FBXO28: variants seen among roughly 807,000 people sequenced by gnomAD.
FBXO28 encodes F-box protein 28.
FBXO28 carries 8 observed loss-of-function variants against 38.1 expected under a neutral mutation model. That is an observed-to-expected ratio of 0.21 (90% CI 0.12 to 0.38). The LOEUF (loss-of-function observed/expected upper bound fraction) is 0.38, where lower values mean the gene tolerates loss of function less well. Ranked by LOEUF, FBXO28 falls within the 10% of genes least tolerant of loss-of-function variation. FBXO28 has a pLI of 1.00. For synonymous variants in FBXO28, 168 were observed against 173.8 expected, an observed-to-expected ratio of 0.97 and a Z score of 0.26; for missense variants, 345 against 460.6, an observed-to-expected ratio of 0.75 and a Z score of 2.30.
chr1:224,138,172 G>A (rs1657241040), intron 3 of FBXO28, among the ~76,000 whole-genome samples: 2 of 150,420 alleles, frequency 1.3e-5, no homozygotes, highest in African/African-American at 4.9e-5. Context: ...AGGTTGCAGT[G>A]AGCCGAGATC....
intron 1 of FBXO28, among the ~76,000 whole-genome samples, chr1:224,129,456 T>C (rs2102615962): frequency 6.6e-6 from 1 of 152,346 alleles, no homozygotes; most frequent in Non-Finnish European, 1.5e-5. Flanking sequence ...ATTCTGGTTA[T>C]AGATCATATA....
intron 3 of FBXO28, among the ~76,000 whole-genome samples, chr1:224,152,001 C>T (rs1657659080): frequency 6.6e-6 from 1 of 151,228 alleles, no homozygotes; most frequent in Admixed American, 6.6e-5. Context: ...AGGATTGTGC[C>T]ACTGCACTCC....
At chr1:224,121,314 GTTATAC>G (rs1395013889) in intron 1 of FBXO28, among the ~76,000 whole-genome samples, 4 of 152,224 alleles carry the variant, frequency 2.6e-5, no homozygotes, top group East Asian at 3.9e-4. Flanking sequence ...CTTCCTAATT[GTTATAC>G]TTAGACTGAA....
intron 3 of FBXO28, among the ~76,000 whole-genome samples, chr1:224,148,905 T>C (rs1657575274): frequency 6.6e-6 from 1 of 152,012 alleles, no homozygotes; most frequent in African/African-American, 2.4e-5. Context: ...CAACTGGATC[T>C]TAATCTCTAC....
rs148965411 is a variant in FBXO28 at position 224,148,493 on chromosome 1, A to G, written c.517-4649A>G. Among the ~76,000 whole-genome samples, 1,254 of 151,872 alleles carry G rather than the reference A, an allele frequency of 8.3e-3. 23 individuals are homozygous for G. Among genetic ancestry groups the G allele is most frequent in the African/African-American group, 0.028 (1,172 of 41,306 alleles). On this transcript the variant is annotated intron_variant, in intron 3 of 4. Coordinates refer to ENST00000366862, the MANE Select transcript of FBXO28 (RefSeq NM_015176.4). ...GTGAAACCCTGTCTCTACTAAAAAT[A>G]CAAAAAAAAGAGAAAAAAATTCGCC...
chr1:224,137,841 G>A (rs1210956192), intron 3 of FBXO28, among the ~76,000 whole-genome samples: 1 of 151,802 alleles, frequency 6.6e-6, no homozygotes, highest in African/African-American at 2.4e-5. Context: ...TTGCAGGCAA[G>A]CTAGATCATT....
intron 3 of FBXO28, among the ~76,000 whole-genome samples, chr1:224,136,181 G>C (rs1657181348): frequency 7.6e-6 from 1 of 131,250 alleles, no homozygotes; most frequent in Non-Finnish European, 1.5e-5. Context: ...TCAGCTAACA[G>C]CAACCTCTGC....
At chr1:224,152,821 TAGG>T (rs1370600523) in intron 3 of FBXO28, among the ~76,000 whole-genome samples, 5 of 148,826 alleles carry the variant, frequency 3.4e-5, no homozygotes, top group Admixed American at 1.4e-4. Flanking sequence ...CCCAGCTACT[TAGG>T]AGGCTGAGGC....
intron 1 of FBXO28, among the ~76,000 whole-genome samples, chr1:224,123,121 A>T (rs973332320): frequency 6.6e-6 from 1 of 152,066 alleles, no homozygotes; most frequent in Admixed American, 6.6e-5. Context: ...AGTTCCTTTC[A>T]GTTCTGGAGT....
chr1:224,156,396 G>T lies in FBXO28; in HGVS notation c.713-956G>T, dbSNP rs376805954. 5.9e-5 allele frequency among the ~76,000 whole-genome samples: 9 copies of T among 152,274 alleles called. No homozygotes were observed. In the East Asian group the frequency reaches 1.2e-3, roughly 20 times the overall value. ...GTTGAAGCCTTTGTATATAACTTAAGTGCAGAGTGAACTTAAGAACACGAT... is the reference window on the plus strand; with the variant it reads ...GTTGAAGCCTTTGTATATAACTTAATTGCAGAGTGAACTTAAGAACACGAT... On this transcript the variant is annotated intron_variant, in intron 4 of 4. Coordinates refer to ENST00000366862, the MANE Select transcript of FBXO28 (RefSeq NM_015176.4).
intron 1 of FBXO28, among the ~76,000 whole-genome samples, chr1:224,123,842 C>T (rs998937306): frequency 6.6e-6 from 1 of 152,060 alleles, no homozygotes; most frequent in African/African-American, 2.4e-5. Context: ...GGCATGATGG[C>T]CCATGCCTGT....
At chr1:224,116,951 G>C (rs1276173281) in intron 1 of FBXO28, among the ~76,000 whole-genome samples, 2 of 152,064 alleles carry the variant, frequency 1.3e-5, no homozygotes, top group Non-Finnish European at 1.5e-5. Context: ...GAGGTGGGCA[G>C]ATCACCTGAG....
rs968545562 is a variant in FBXO28, at chr1:224,137,262, C to T, written c.516+3050C>T. ...AGTTGGGACTGGGCACGGTGGCTCACGCCTGTAATCGCAGCACTTTGGGAG... is the reference window on the plus strand; with the variant it reads ...AGTTGGGACTGGGCACGGTGGCTCATGCCTGTAATCGCAGCACTTTGGGAG... On this transcript the variant is annotated intron_variant, in intron 3 of 4. Coordinates refer to ENST00000366862, the MANE Select transcript of FBXO28 (RefSeq NM_015176.4). 3.3e-5 allele frequency among the ~76,000 whole-genome samples: 5 copies of T among 151,564 alleles called. 1 individual carries two copies. The highest frequency in any genetic ancestry group is 9.8e-5 in the African/African-American group (4 of 40,968).
chr1:224,132,514 G>T (rs1435275226), intron 2 of FBXO28, among the ~76,000 whole-genome samples: 1 of 152,116 alleles, frequency 6.6e-6, no homozygotes, highest in Admixed American at 6.6e-5. Context: ...AAACAGTTTG[G>T]CTGTTCTCAG....
At chr1:224,134,439 G>T (rs1384593702) in intron 3 of FBXO28, 3 of 361,250 alleles carry the variant, frequency 8.3e-6, no homozygotes, top group East Asian at 5.8e-5. Context: ...CTTTAGAGAA[G>T]TTTTTTAAGA....
intron 3 of FBXO28, among the ~76,000 whole-genome samples, chr1:224,140,564 C>A (rs1657319379): frequency 6.6e-6 from 1 of 152,130 alleles, no homozygotes; most frequent in South Asian, 2.1e-4. Context: ...TAGTTGGGAA[C>A]ATTTCTCCTT....
chr1:224,126,454 C>T (rs1460916504), intron 1 of FBXO28, among the ~76,000 whole-genome samples: 1 of 152,196 alleles, frequency 6.6e-6, no homozygotes, highest in East Asian at 1.9e-4. Context: ...AAGTGTTTTT[C>T]TACAAGGTTG....
intron 3 of FBXO28, among the ~76,000 whole-genome samples, chr1:224,140,331 TTTG>T (rs1453446814): frequency 2.6e-5 from 4 of 152,202 alleles, no homozygotes; most frequent in Admixed American, 2.0e-4. Context: ...AGCAATTTTT[TTTG>T]TTAATACAGA....
chr1:224,146,156 C>T (rs1051167731), intron 3 of FBXO28, among the ~76,000 whole-genome samples: 11 of 151,306 alleles, frequency 7.3e-5, no homozygotes, highest in African/African-American at 2.7e-4. Flanking sequence ...ATCACTTGAA[C>T]CTGGGAAGCG....
Sources: allele counts gnomAD v4.1 joint callset (sites outside exome capture counted in the v4.1 genomes callset), GRCh38; gene constraint gnomAD v4.1.1; transcripts MANE v1.5; gene names NCBI Gene and HGNC (gene_info 2026-07-23, HGNC 2026-07-21).